The following PLPP4 variants were observed in gnomAD, a reference collection of about 807,000 sequenced individuals.
The protein encoded by PLPP4 is diacylglycerol pyrophosphate like 2.
In PLPP4, 20 loss-of-function variants were observed where a neutral mutation model predicts 32.2. The ratio of observed to expected loss-of-function variants is 0.62; its 90% CI spans 0.44 to 0.90. PLPP4 has a LOEUF of 0.90. PLPP4 is among the 40% of genes least tolerant of loss of function. The pLI, the probability that PLPP4 is intolerant of heterozygous loss-of-function variation, is 0.00. For synonymous variants in PLPP4, 127 were observed against 133.0 expected, an observed-to-expected ratio of 0.95 and a Z score of 0.31; for missense variants, 257 against 353.1, an observed-to-expected ratio of 0.73 and a Z score of 2.18.
At chr10:120,477,138 G>A (rs755470425) in intron 1 of PLPP4, among the ~76,000 whole-genome samples, 7 of 151,208 alleles carry the variant, frequency 4.6e-5, no homozygotes, top group Non-Finnish European at 8.8e-5. Flanking sequence ...CTCGGACGAA[G>A]CTTGATTAAT....
At chr10:120,508,258 C>G (rs1332487225) in intron 2 of PLPP4, among the ~76,000 whole-genome samples, 1 of 152,128 alleles carries the variant, frequency 6.6e-6, no homozygotes, top group Non-Finnish European at 1.5e-5. Flanking sequence ...TTTTAAGAGT[C>G]TTAGACAGCT....
chr10:120,464,871 T>C (rs1848241801), intron 1 of PLPP4, among the ~76,000 whole-genome samples: 1 of 152,130 alleles, frequency 6.6e-6, no homozygotes, highest in Non-Finnish European at 1.5e-5. Flanking sequence ...GTGTTTCTTC[T>C]CCCCTCCCTG....
chr10:120,578,006 T>A (rs1849301847), intron 6 of PLPP4, among the ~76,000 whole-genome samples: 1 of 152,194 alleles, frequency 6.6e-6, no homozygotes, highest in African/African-American at 2.4e-5. Context: ...GGTGGAGGGT[T>A]AGAGACTAGG....
At chr10:120,485,010 A>G (rs575070015) in intron 1 of PLPP4, among the ~76,000 whole-genome samples, 7 of 152,354 alleles carry the variant, frequency 4.6e-5, no homozygotes, top group Non-Finnish European at 1.0e-4. Flanking sequence ...CCACAAAGCA[A>G]GGAATGAGGG....
At chr10:120,502,153 C>T (rs1180966565) in intron 1 of PLPP4, among the ~76,000 whole-genome samples, 1 of 152,150 alleles carries the variant, frequency 6.6e-6, no homozygotes, top group Non-Finnish European at 1.5e-5. Context: ...TGACTGGGTT[C>T]TGTGATGATG....
At chr10:120,518,119 T>C (rs189649288) in intron 3 of PLPP4, among the ~76,000 whole-genome samples, 2 of 152,338 alleles carry the variant, frequency 1.3e-5, no homozygotes, top group East Asian at 3.9e-4. Context: ...CTGTGACTCA[T>C]GTTACCTGCC....
intron 5 of PLPP4, among the ~76,000 whole-genome samples, chr10:120,551,609 T>C (rs1026394571): frequency 6.6e-6 from 1 of 152,168 alleles, no homozygotes; most frequent in Non-Finnish European, 1.5e-5. Context: ...GCTATAATAT[T>C]CTGTTTATAT....
chr10:120,579,937 C>G (rs1263289788), intron 6 of PLPP4, among the ~76,000 whole-genome samples: 1 of 138,938 alleles, frequency 7.2e-6, no homozygotes, highest in Non-Finnish European at 1.5e-5. Context: ...GAAACCCCGT[C>G]TCTACTAAAA....
chr10:120,489,713 T>C lies in PLPP4; in HGVS notation c.57-14105T>C, dbSNP rs527384527. On this transcript the variant is annotated intron_variant, in intron 1 of 6. Coordinates refer to ENST00000398250, the MANE Select transcript of PLPP4 (RefSeq NM_001030059.3). ...TCAGATGTTAATGTAAGAGCTCCTG[T>C]TTTTAAAATATTGGCCATGAGTTAC... Among the ~76,000 whole-genome samples the C allele has an allele frequency of 7.9e-5, 12 of 152,208 alleles. 1 individual carries two copies. In the South Asian group the frequency reaches 2.5e-3, roughly 32 times the overall value.
intron 5 of PLPP4, among the ~76,000 whole-genome samples, chr10:120,545,551 A>G (rs1246288886): frequency 1.3e-5 from 2 of 151,954 alleles, no homozygotes; most frequent in African/African-American, 4.8e-5. Context: ...AGCTAGGGTG[A>G]TGCTTCTGCC....
At chr10:120,576,059 G>C (rs576690176) in intron 6 of PLPP4, among the ~76,000 whole-genome samples, 1 of 152,282 alleles carries the variant, frequency 6.6e-6, no homozygotes, top group South Asian at 2.1e-4. Flanking sequence ...GGATCACCTT[G>C]ATCAAGCTGC....
chr10:120,548,364 A>T lies in PLPP4; in HGVS notation c.446-26767A>T, dbSNP rs529336352. Among the ~76,000 whole-genome samples the T allele has an allele frequency of 5.9e-4, 90 of 152,258 alleles. 1 individual carries two copies. The highest frequency in any genetic ancestry group is 2.1e-3 in the African/African-American group (86 of 41,568). ...CTATTTCTGCATTAGTTTGCTTAGG[A>T]TAAAGGTCTCCACCTCCATCTACGT... On this transcript the variant is annotated intron_variant, in intron 5 of 6. Coordinates refer to ENST00000398250, the MANE Select transcript of PLPP4 (RefSeq NM_001030059.3).
At chr10:120,573,960 G>A (rs999005167) in intron 5 of PLPP4, among the ~76,000 whole-genome samples, 5 of 152,070 alleles carry the variant, frequency 3.3e-5, no homozygotes, top group Non-Finnish European at 5.9e-5. Context: ...GTTTTGCCAA[G>A]TCACTGTGTG....
intron 1 of PLPP4, among the ~76,000 whole-genome samples, chr10:120,497,415 G>A (rs773204120): frequency 1.1e-4 from 17 of 151,976 alleles, no homozygotes; most frequent in Non-Finnish European, 1.9e-4. Context: ...ATTTCAGGCA[G>A]TGTGTATGTG....
chr10:120,574,162 ACACACACTCTCTCTCTCT>A (rs1419671117), intron 5 of PLPP4, among the ~76,000 whole-genome samples: 56 of 104,138 alleles, frequency 5.4e-4, no homozygotes, highest in African/African-American at 1.8e-3. Flanking sequence ...ACACACACAC[ACACACACTCTCTCTCTCT>A]CTCTCTCTCT....
At chr10:120,502,793 T>C (rs1845321744) in intron 1 of PLPP4, among the ~76,000 whole-genome samples, 1 of 152,188 alleles carries the variant, frequency 6.6e-6, no homozygotes, top group Non-Finnish European at 1.5e-5. Flanking sequence ...ATAGGACTTT[T>C]GGTGCTAAAA....
At chr10:120,512,108 A>G (rs1004674447) in intron 2 of PLPP4, among the ~76,000 whole-genome samples, 4 of 152,096 alleles carry the variant, frequency 2.6e-5, no homozygotes, top group Non-Finnish European at 5.9e-5. Flanking sequence ...AAAAAACAAA[A>G]TGTACATTTC....
At chr10:120,481,668 G>A (rs1050252540) in intron 1 of PLPP4, among the ~76,000 whole-genome samples, 1 of 152,134 alleles carries the variant, frequency 6.6e-6, no homozygotes, top group African/African-American at 2.4e-5. Flanking sequence ...AGGAAACAAA[G>A]ACCATGATCA....
chr10:120,580,106 C>G (rs568834181), intron 6 of PLPP4, among the ~76,000 whole-genome samples: 1 of 105,416 alleles, frequency 9.5e-6, no homozygotes. Context: ...CGCGACAGAG[C>G]GAGACTCTCA....
Sources: gnomAD v4.1 joint callset for allele counts (sites outside exome capture counted in the v4.1 genomes callset) on GRCh38, gnomAD v4.1.1 for gene constraint, MANE v1.5 for transcripts, NCBI Gene and HGNC (gene_info 2026-07-23, HGNC 2026-07-21) for gene names.